DNAJC27: variants seen among roughly 807,000 people sequenced by gnomAD.
DNAJC27 encodes the protein dnaJ homolog subfamily C member 27.
DNAJC27 carries 25 observed loss-of-function variants against 31.4 expected under a neutral mutation model. The ratio of observed to expected loss-of-function variants is 0.80; its 90% CI spans 0.58 to 1.11. DNAJC27 has a LOEUF of 1.11. Among genes scored for constraint, DNAJC27 ranks in the 50% most tolerant of loss-of-function variants. The pLI is 0.00. For synonymous variants in DNAJC27, 106 were observed against 112.7 expected, an observed-to-expected ratio of 0.94 and a Z score of 0.37; for missense variants, 356 against 347.3, an observed-to-expected ratio of 1.02 and a Z score of -0.20.
chr2:24,947,819 C>A, intron 6 of DNAJC27, 71 bp from the exon 7 acceptor site: 3 of 1,532,230 alleles, frequency 2.0e-6, no homozygotes, highest in South Asian at 1.2e-5. Context: ...GCTGTTTGGA[C>A]ACACATAGTA....
chr2:24,950,508 T>C (rs768432336), intron 6 of DNAJC27, among the ~76,000 whole-genome samples: 2 of 152,148 alleles, frequency 1.3e-5, no homozygotes, highest in Non-Finnish European at 2.9e-5. Context: ...AGTGATTGAA[T>C]TTTTTTCTTA....
intron 2 of DNAJC27, 147 bp from the exon 3 acceptor site, chr2:24,963,621 T>C: frequency 1.7e-6 from 1 of 591,216 alleles, no homozygotes; most frequent in East Asian, 2.9e-5. Context: ...ATCTTTACAA[T>C]AGCAGTCAGC....
At chr2:24,970,404 G>A (rs1161393881) in intron 1 of DNAJC27, among the ~76,000 whole-genome samples, 1 of 151,120 alleles carries the variant, frequency 6.6e-6, no homozygotes, top group Non-Finnish European at 1.5e-5. Context: ...TAGATGTGGT[G>A]ACACTGGGCA....
chr2:24,967,834 T>C (rs1666228295), intron 1 of DNAJC27, among the ~76,000 whole-genome samples: 1 of 152,220 alleles, frequency 6.6e-6, no homozygotes, highest in Non-Finnish European at 1.5e-5. Flanking sequence ...TCCTGTGCTC[T>C]TTTCTTCTGA....
intron 5 of DNAJC27, chr2:24,953,601 G>T: frequency 6.7e-6 from 3 of 446,822 alleles, no homozygotes; most frequent in Non-Finnish European, 8.9e-6. Context: ...TTTTTAAACA[G>T]ACTAATTTAT....
Position 24,960,630 on chromosome 2 carries a change from G to T in DNAJC27, c.241-2656C>A, listed in dbSNP as rs185416529. 1.2e-3 allele frequency among the ~76,000 whole-genome samples: 178 copies of T among 152,314 alleles called. 1 individual carries two copies. The highest frequency in any genetic ancestry group is 2.0e-3 in the Admixed American group (31 of 15,294). On this transcript the variant is annotated intron_variant, in intron 3 of 6. Transcript: ENST00000264711. Reference sequence around the variant, plus strand: ...ATGCTAATCTAGTGAACACATGAATGCTAAGAAAGTGAGACAGCATATTGC... The same window carrying T: ...ATGCTAATCTAGTGAACACATGAATTCTAAGAAAGTGAGACAGCATATTGC...
At chr2:24,955,426 G>A (rs750253296) in intron 5 of DNAJC27, among the ~76,000 whole-genome samples, 1 of 152,020 alleles carries the variant, frequency 6.6e-6, no homozygotes, top group African/African-American at 2.4e-5. Flanking sequence ...AAAATCAAAT[G>A]GTCTAATATA....
intron 5 of DNAJC27, among the ~76,000 whole-genome samples, chr2:24,953,370 A>G (rs1049177330): frequency 3.3e-5 from 5 of 152,226 alleles, no homozygotes; most frequent in Non-Finnish European, 7.3e-5. Flanking sequence ...ACTAGAGACC[A>G]AGACACAAGA....
At chr2:24,960,759 TC>T (rs1366721751) in intron 3 of DNAJC27, among the ~76,000 whole-genome samples, 25 of 152,348 alleles carry the variant, frequency 1.6e-4, no homozygotes, top group African/African-American at 5.8e-4. Context: ...TCTCTTCATT[TC>T]CATGAAGGCT....
At chr2:24,953,826 T>G (rs1665839917) in intron 5 of DNAJC27, among the ~76,000 whole-genome samples, 1 of 152,154 alleles carries the variant, frequency 6.6e-6, no homozygotes, top group Non-Finnish European at 1.5e-5. Context: ...TATAGAATAC[T>G]AGGATTGAGA....
chr2:24,970,597 TG>T (rs1666306469), intron 1 of DNAJC27, among the ~76,000 whole-genome samples: 2 of 151,690 alleles, frequency 1.3e-5, no homozygotes, highest in African/African-American at 4.8e-5. Context: ...CCCAAGTAGC[TG>T]GGATTAAAGG....
intron 3 of DNAJC27, among the ~76,000 whole-genome samples, chr2:24,959,209 C>T (rs936096408): frequency 2.6e-5 from 4 of 152,206 alleles, no homozygotes; most frequent in Non-Finnish European, 5.9e-5. Flanking sequence ...GGCTCCCATA[C>T]ATCACATTCC....
chr2:24,964,676 C>T (rs947134005), intron 2 of DNAJC27, among the ~76,000 whole-genome samples: 6 of 152,080 alleles, frequency 3.9e-5, no homozygotes, highest in Non-Finnish European at 7.3e-5. Flanking sequence ...TCAATTATAT[C>T]CTCCTGACTC....
At chr2:24,968,237 A>G (rs188356286) in intron 1 of DNAJC27, among the ~76,000 whole-genome samples, 2 of 152,304 alleles carry the variant, frequency 1.3e-5, no homozygotes, top group South Asian at 4.1e-4. Context: ...TGGTTACACA[A>G]TAGTCTGTGA....
In DNAJC27 at chr2:24,946,121, G is replaced by GT. The variant is rs1472059597; in HGVS notation, c.*1494dup. On this transcript the variant is annotated 3_prime_UTR_variant, in exon 7 of 7. Transcript: ENST00000264711. ...TGGTGAGACTAGTTCTATAAGCACC[G>GT]TAAGGAGTGCCAGTCCTAATACATG... 2 of 152,206 alleles carry GT rather than the reference G, an allele frequency of 1.3e-5. No individual in the cohort carries two copies. The highest frequency in any genetic ancestry group is 6.5e-5 in the Admixed American group (1 of 15,282). The allele number at this position is 152,206 out of a possible 1,614,324, so 9.4% of individuals were successfully genotyped here. A position where few individuals can be genotyped will look rare whatever the true frequency, so the allele number is the denominator to read the frequency against.
intron 3 of DNAJC27, among the ~76,000 whole-genome samples, chr2:24,960,387 A>G (rs1666011478): frequency 6.6e-6 from 1 of 152,198 alleles, no homozygotes; most frequent in African/African-American, 2.4e-5. Flanking sequence ...GAGACAAAAC[A>G]ATATTGAAAG....
At chr2:24,954,031 C>A (rs1401134536) in intron 5 of DNAJC27, among the ~76,000 whole-genome samples, 3 of 152,104 alleles carry the variant, frequency 2.0e-5, no homozygotes, top group Non-Finnish European at 4.4e-5. Flanking sequence ...ATTTCCTGAC[C>A]ACATCACAGA....
intron 1 of DNAJC27, 135 bp downstream of exon 1, chr2:24,971,683 C>A: frequency 1.5e-6 from 1 of 677,562 alleles, no homozygotes; most frequent in South Asian, 2.0e-5. Context: ...GAGCCGCACC[C>A]CTCGGCTGAG....
chr2:24,959,050 G>C (rs1665979260), intron 3 of DNAJC27, among the ~76,000 whole-genome samples: 1 of 152,176 alleles, frequency 6.6e-6, no homozygotes, highest in African/African-American at 2.4e-5. Flanking sequence ...AACCTAAGAA[G>C]CTATCCCCTA....
Sources: gnomAD v4.1 joint callset for allele counts (sites outside exome capture counted in the v4.1 genomes callset) on GRCh38, gnomAD v4.1.1 for gene constraint, MANE v1.5 for transcripts, NCBI Gene and HGNC (gene_info 2026-07-23, HGNC 2026-07-21) for gene names.